TJP1: variants seen among roughly 807,000 people sequenced by gnomAD.
The protein encoded by TJP1 is tight junction protein 1.
TJP1 carries 43 observed loss-of-function variants against 194.2 expected under a neutral mutation model. That is an observed-to-expected ratio of 0.22 (90% CI 0.17 to 0.29). The LOEUF is 0.29. TJP1 is among the 10% of genes least tolerant of loss of function. The pLI is 1.00. For missense variants in TJP1, 1,971 were observed against 2,185.7 expected (o/e 0.90, Z 1.96); for synonymous variants, 801 against 779.0 (o/e 1.03, Z -0.47).
intron 2 of TJP1, among the ~76,000 whole-genome samples, chr15:29,942,656 G>C (rs2055120474): frequency 6.6e-6 from 1 of 152,198 alleles, no homozygotes; most frequent in African/African-American, 2.4e-5. Flanking sequence ...TAATAACGGT[G>C]ATAATTCTGG....
chr15:29,960,995 T>C (rs908961587), intron 1 of TJP1, among the ~76,000 whole-genome samples: 1 of 152,220 alleles, frequency 6.6e-6, no homozygotes, highest in African/African-American at 2.4e-5. Flanking sequence ...TGTTTATTAC[T>C]GTCTTTAAAA....
intron 2 of TJP1, among the ~76,000 whole-genome samples, chr15:29,926,239 C>T (rs1447619704): frequency 1.3e-5 from 2 of 152,166 alleles, no homozygotes; most frequent in Non-Finnish European, 2.9e-5. Flanking sequence ...AAGAGCTTTA[C>T]TGCATAATCT....
At chr15:29,876,244 G>C (rs1312616757) in intron 2 of TJP1, among the ~76,000 whole-genome samples, 1 of 152,214 alleles carries the variant, frequency 6.6e-6, no homozygotes, top group Non-Finnish European at 1.5e-5. Flanking sequence ...TTTTGGCCGG[G>C]TGTGGTGGCT....
intron 5 of TJP1, 33 bp downstream of exon 5, chr15:29,766,233 G>A: frequency 1.3e-6 from 2 of 1,583,974 alleles, no homozygotes; most frequent in South Asian, 1.2e-5. Context: ...AAATTTTCAT[G>A]TGAAAAAAAC....
chr15:29,895,838 T>C (rs1177942913), intron 2 of TJP1, among the ~76,000 whole-genome samples: 1 of 152,234 alleles, frequency 6.6e-6, no homozygotes, highest in African/African-American at 2.4e-5. Flanking sequence ...ATAGACAAAG[T>C]AGCTTATAAA....
intron 2 of TJP1, among the ~76,000 whole-genome samples, chr15:29,903,631 A>G (rs1420513427): frequency 6.6e-6 from 1 of 152,060 alleles, no homozygotes. Context: ...TTTTTAGTAG[A>G]GACGGGGTTT....
intron 8 of TJP1, among the ~76,000 whole-genome samples, chr15:29,757,220 T>G (rs1317197005): frequency 6.6e-6 from 1 of 152,194 alleles, no homozygotes; most frequent in East Asian, 1.9e-4. Context: ...GTTATTATTC[T>G]CAGCAGATAA....
chr15:29,886,870 C>A (rs1445784588), intron 2 of TJP1, among the ~76,000 whole-genome samples: 1 of 151,662 alleles, frequency 6.6e-6, no homozygotes, highest in Non-Finnish European at 1.5e-5. Flanking sequence ...AGTTTTTCCC[C>A]AAATAATCTG....
chr15:29,890,875 G>T (rs553853803), intron 2 of TJP1, among the ~76,000 whole-genome samples: 14 of 152,072 alleles, frequency 9.2e-5, no homozygotes, highest in Non-Finnish European at 1.5e-4. Context: ...CTCTGCCAGC[G>T]AGATGTCTAC....
intron 2 of TJP1, among the ~76,000 whole-genome samples, chr15:29,836,614 T>C (rs752143330): frequency 5.9e-5 from 9 of 152,090 alleles, no homozygotes; most frequent in Non-Finnish European, 1.0e-4. Flanking sequence ...ACAGTGATAA[T>C]GACAAAAACC....
chr15:29,956,420 C>G (rs1222308504), intron 1 of TJP1: 1 of 1,252,128 alleles, frequency 8.0e-7, no homozygotes, highest in Non-Finnish European at 1.0e-6. Flanking sequence ...ACACATTTCT[C>G]AAGTTTGAGG....
intron 2 of TJP1, among the ~76,000 whole-genome samples, chr15:29,940,996 T>A (rs984709004): frequency 1.7e-4 from 26 of 152,210 alleles, no homozygotes; most frequent in African/African-American, 6.0e-4. Context: ...CAGAAATACA[T>A]GAAAACTGTC....
At chr15:29,777,754 C>A (rs1750342167) in intron 2 of TJP1, among the ~76,000 whole-genome samples, 1 of 152,016 alleles carries the variant, frequency 6.6e-6, no homozygotes, top group Admixed American at 6.6e-5. Context: ...TAGAAAGTAC[C>A]CTAAAGATAC....
At chr15:29,712,100 A>C (rs2042280293) in intron 23 of TJP1, among the ~76,000 whole-genome samples, 1 of 152,232 alleles carries the variant, frequency 6.6e-6, no homozygotes, top group South Asian at 2.1e-4. Context: ...TAATTGCAAC[A>C]TTGCCATCTA....
intron 2 of TJP1, among the ~76,000 whole-genome samples, chr15:29,867,660 C>T (rs1454295102): frequency 6.6e-6 from 1 of 152,140 alleles, no homozygotes; most frequent in Non-Finnish European, 1.5e-5. Context: ...GTAATCCCAG[C>T]ACTCTGGGAG....
chr15:29,966,829 T>C (rs184402321), intron 1 of TJP1, among the ~76,000 whole-genome samples: 144 of 152,234 alleles, frequency 9.5e-4, no homozygotes, highest in African/African-American at 3.3e-3. Flanking sequence ...TGACTGCTGG[T>C]GCTGATATTT....
At chr15:29,770,996 C>A (rs1403049485) in intron 4 of TJP1, among the ~76,000 whole-genome samples, 1 of 152,186 alleles carries the variant, frequency 6.6e-6, no homozygotes, top group Non-Finnish European at 1.5e-5. Flanking sequence ...CTCGCTGACT[C>A]ACTCAGAGCA....
At chr15:29,815,547 T>C (rs989273346) in intron 1 of TJP1, among the ~76,000 whole-genome samples, 2 of 152,242 alleles carry the variant, frequency 1.3e-5, no homozygotes, top group Admixed American at 6.5e-5. Flanking sequence ...TCATACACAA[T>C]GCTGAGCACG....
intron 1 of TJP1, chr15:29,968,627 C>T: frequency 1.0e-6 from 1 of 997,956 alleles, no homozygotes; most frequent in Non-Finnish European, 1.2e-6. Flanking sequence ...CGCTCCGCGC[C>T]TAGCCCGGCT....
Sources: gnomAD v4.1 joint callset for allele counts (sites outside exome capture counted in the v4.1 genomes callset) on GRCh38, gnomAD v4.1.1 for gene constraint, MANE v1.5 for transcripts, NCBI Gene and HGNC (gene_info 2026-07-23, HGNC 2026-07-21) for gene names.